Variants in FAF1 observed in about 807,000 individuals in gnomAD.
The protein encoded by FAF1 is FAS-associated factor 1.
Under a neutral mutation model 92.5 loss-of-function variants are expected in FAF1, and 25 were observed. The ratio of observed to expected loss-of-function variants is 0.27; its 90% CI spans 0.20 to 0.38. FAF1 has a LOEUF of 0.38. Ranked by LOEUF, FAF1 falls within the 10% of genes least tolerant of loss-of-function variation. FAF1 has a pLI of 1.00. For synonymous variants in FAF1, 234 were observed against 273.2 expected, an observed-to-expected ratio of 0.86 and a Z score of 1.42; for missense variants, 636 against 793.3, an observed-to-expected ratio of 0.80 and a Z score of 2.38.
At chr1:50,808,176 A>G (rs1359835162) in intron 2 of FAF1, among the ~76,000 whole-genome samples, 1 of 152,210 alleles carries the variant, frequency 6.6e-6, no homozygotes. Context: ...TCATAAGAAA[A>G]GGATAAATAA....
At chr1:50,775,049 A>T (rs1393499567) in intron 4 of FAF1, among the ~76,000 whole-genome samples, 1 of 152,134 alleles carries the variant, frequency 6.6e-6, no homozygotes, top group African/African-American at 2.4e-5. Flanking sequence ...AAAGGTGCAT[A>T]ATCTGATTGA....
chr1:50,729,148 C>G (rs1331150284), intron 6 of FAF1, among the ~76,000 whole-genome samples: 1 of 150,320 alleles, frequency 6.7e-6, no homozygotes, highest in African/African-American at 2.4e-5. Context: ...CTGCGCCTCC[C>G]GGGTTCAAGT....
chr1:50,818,600 A>G (rs1464408793), intron 2 of FAF1, among the ~76,000 whole-genome samples: 1 of 152,246 alleles, frequency 6.6e-6, no homozygotes, highest in Non-Finnish European at 1.5e-5. Context: ...TGAGTGAACA[A>G]TGCCAGGTAT....
rs376377299 is a variant in FAF1, at chr1:50,922,759, C to CA, written c.45+37007dup. Among the ~76,000 whole-genome samples, 613 of 131,278 alleles carry CA rather than the reference C, an allele frequency of 4.7e-3. 3 individuals are homozygous for CA. The highest frequency in any genetic ancestry group is 7.9e-3 in the Non-Finnish European group (513 of 64,808). The allele number at this position is 131,278 out of a possible 152,430, so 86.1% of individuals were successfully genotyped here. On this transcript the variant is annotated intron_variant, in intron 1 of 18. Coordinates refer to ENST00000396153, the MANE Select transcript of FAF1 (RefSeq NM_007051.3). ...ACTTGAACCCAGGAGATGGAGGTTG[C>CA]AGTGAGCCAAGATCACGCCATTGCA...
At chr1:50,505,486 A>G (rs1171478324) in intron 15 of FAF1, among the ~76,000 whole-genome samples, 1 of 152,200 alleles carries the variant, frequency 6.6e-6, no homozygotes, top group Non-Finnish European at 1.5e-5. Flanking sequence ...TAAAAGCTGA[A>G]TACTATGTTC....
intron 4 of FAF1, among the ~76,000 whole-genome samples, chr1:50,757,301 T>C (rs1660115301): frequency 6.6e-6 from 1 of 152,252 alleles, no homozygotes; most frequent in African/African-American, 2.4e-5. Flanking sequence ...CTGAACATTA[T>C]AATGAGACAG....
chr1:50,897,060 T>A lies in FAF1; in HGVS notation c.46-39063A>T, dbSNP rs77635966. Among the ~76,000 whole-genome samples the A allele has an allele frequency of 2.7e-3, 405 of 152,306 alleles. 11 individuals carry two copies. The East Asian group carries it at 0.04, about 15-fold the overall frequency. ...ACATTTCAACACAACACTATTTACATTAGCTCCAATTAAAAATGAAATACA... is the reference window on the plus strand; with the variant it reads ...ACATTTCAACACAACACTATTTACAATAGCTCCAATTAAAAATGAAATACA... On this transcript the variant is annotated intron_variant, in intron 1 of 18. Coordinates refer to ENST00000396153, the MANE Select transcript of FAF1 (RefSeq NM_007051.3).
intron 8 of FAF1, among the ~76,000 whole-genome samples, chr1:50,649,966 AAGAG>A (rs1333101947): frequency 1.3e-5 from 2 of 150,674 alleles, no homozygotes; most frequent in Admixed American, 1.3e-4. Flanking sequence ...GACTCCGTCA[AAGAG>A]AGAGAGAGAG....
chr1:50,544,942 G>A (rs746119782), intron 13 of FAF1, among the ~76,000 whole-genome samples: 1 of 152,018 alleles, frequency 6.6e-6, no homozygotes, highest in Non-Finnish European at 1.5e-5. Context: ...TAACAAGGAG[G>A]TTACTATAGT....
rs1352413094 is a variant in FAF1, at chr1:50,440,004, G to A, written c.*1436C>T. 1 of 152,136 alleles carries A rather than the reference G, an allele frequency of 6.6e-6. No homozygotes were observed. 9.4% of individuals were successfully genotyped at this position (152,136 alleles called of 1,614,324 possible). Reference sequence around the variant, plus strand: ...TTTTCCTGGCCAACATCCACTTCTGGGCAGAAGGAAAATGAGCAGACCTAT... The same window carrying A: ...TTTTCCTGGCCAACATCCACTTCTGAGCAGAAGGAAAATGAGCAGACCTAT... On this transcript the variant is annotated 3_prime_UTR_variant, in exon 19 of 19. Coordinates refer to ENST00000396153, the MANE Select transcript of FAF1 (RefSeq NM_007051.3).
intron 13 of FAF1, among the ~76,000 whole-genome samples, chr1:50,560,349 C>T (rs1389502506): frequency 6.6e-6 from 1 of 152,236 alleles, no homozygotes; most frequent in Non-Finnish European, 1.5e-5. Flanking sequence ...CCTGTCAGCA[C>T]AGCAGCGGAA....
At chr1:50,833,356 C>CAG (rs1644171964) in intron 2 of FAF1, among the ~76,000 whole-genome samples, 1 of 151,198 alleles carries the variant, frequency 6.6e-6, no homozygotes, top group Non-Finnish European at 1.5e-5. Flanking sequence ...AAAAAAAGAA[C>CAG]TCAGGAACAG....
chr1:50,570,612 T>C (rs1316418979), intron 12 of FAF1, among the ~76,000 whole-genome samples: 1 of 152,230 alleles, frequency 6.6e-6, no homozygotes, highest in African/African-American at 2.4e-5. Context: ...ATCTTCAGGC[T>C]GTGGGTACCC....
chr1:50,760,489 C>G (rs1450960874), intron 4 of FAF1, among the ~76,000 whole-genome samples: 1 of 152,174 alleles, frequency 6.6e-6, no homozygotes, highest in Non-Finnish European at 1.5e-5. Context: ...CAAACTGTCT[C>G]TCAGACCACG....
chr1:50,676,239 T>C (rs1253344044), intron 7 of FAF1, among the ~76,000 whole-genome samples: 1 of 151,784 alleles, frequency 6.6e-6, no homozygotes, highest in East Asian at 1.9e-4. Flanking sequence ...AAACCCCGTC[T>C]CTGCTAAAGA....
intron 1 of FAF1, among the ~76,000 whole-genome samples, chr1:50,872,920 A>G (rs1308553732): frequency 1.3e-5 from 2 of 151,880 alleles, no homozygotes; most frequent in Non-Finnish European, 2.9e-5. Context: ...AAAAATTGCT[A>G]TCAAACAGCA....
rs1659656431 is a variant in FAF1 at position 50,746,965 on chromosome 1, G to A, written c.368-2190C>T. ...CTGTTTGGGCCGCTGCTTCCATGTG[G>A]TGTTAAGCCTGCAGGTGCACAGAAT... is the stretch of plus-strand genomic sequence containing the variant. On this transcript the variant is annotated intron_variant, in intron 4 of 18. Transcript: ENST00000396153. 3.3e-5 allele frequency among the ~76,000 whole-genome samples: 5 copies of A among 152,310 alleles called. 1 individual carries two copies. Among genetic ancestry groups the A allele is most frequent in the Admixed American group, 2.6e-4 (4 of 15,300 alleles).
intron 4 of FAF1, among the ~76,000 whole-genome samples, chr1:50,749,557 A>G (rs1659767580): frequency 6.6e-6 from 1 of 152,222 alleles, no homozygotes; most frequent in South Asian, 2.1e-4. Context: ...AAGCCAAGGT[A>G]GAAGGACAGC....
rs150518818 is a variant in FAF1, at chr1:50,764,547, G to A, written c.368-19772C>T. Among the ~76,000 whole-genome samples, 78 of 152,138 alleles carry A rather than the reference G, an allele frequency of 5.1e-4. No homozygotes were observed. In the East Asian group the frequency reaches 0.011, roughly 21 times the overall value. ...CTCTGCTTACATTCCCTTTTTCATG[G>A]ACTGTTGTATAGAAATTTTCTCCAT... On this transcript the variant is annotated intron_variant, in intron 4 of 18. Transcript: ENST00000396153.
Sources: gnomAD v4.1 joint callset for allele counts (sites outside exome capture counted in the v4.1 genomes callset) on GRCh38, gnomAD v4.1.1 for gene constraint, MANE v1.5 for transcripts, NCBI Gene and HGNC (gene_info 2026-07-23, HGNC 2026-07-21) for gene names.